The following ITGA1 variants were observed in gnomAD, a reference collection of about 807,000 sequenced individuals.
The protein encoded by ITGA1 is integrin alpha-1.
In ITGA1, 85 loss-of-function variants were observed where a neutral mutation model predicts 145.9. The ratio of observed to expected loss-of-function variants is 0.58; its 90% confidence interval spans 0.49 to 0.70. ITGA1 has a LOEUF of 0.70. ITGA1 is among the 30% of genes least tolerant of loss of function. ITGA1 has a pLI of 0.00. For synonymous variants in ITGA1, 520 were observed against 495.3 expected (o/e 1.05, Z -0.66); for missense variants, 1,351 against 1,418.7 (o/e 0.95, Z 0.77).
rs754189504 is a variant in ITGA1, at chr5:52,933,969, T to G, written c.2937T>G (p.Ile979Met). ...VPEVINSTED[I>M]GNEINIFYLI... The stretch of plus-strand genomic sequence containing the variant: ...AAGTTATTAATTCTACTGAGGACAT[T>G]GGAAATGAAATTAATATCTTCTACT... Residue 979 changes from isoleucine (I) to methionine (M), a missense_variant, in exon 23 of 29, where the codon ATT (isoleucine) becomes ATG (methionine). Physicochemically the swap from Ile to Met is conservative, Grantham distance 10. Transcript: ENST00000282588. 2 of 1,490,826 alleles carry G rather than the reference T, an allele frequency of 1.3e-6. No homozygotes were observed. The highest frequency in any genetic ancestry group is 1.8e-6 in the Non-Finnish European group (2 of 1,103,922). The allele number at this position is 1,490,826 out of a possible 1,614,324, so 92.3% of individuals were successfully genotyped here.
Position 52,925,290 on chromosome 5 carries a change from A to G in ITGA1, c.2416A>G (p.Lys806Glu). 3 of 1,613,822 alleles carry G rather than the reference A, an allele frequency of 1.9e-6. No homozygotes were observed. ...NSVHEYIPFA[K>E]DCGNKEKCIS... is the part of the protein sequence containing the mutation. ...GTCATCATTTCAGATTCCCTTTGCC[A>G]AAGATTGTGGAAATAAGGAAAAATG... The change falls in exon 19 of 29, where the codon AAA becomes GAA. Residue 806 changes from lysine to glutamate, a missense_variant. By Grantham distance (56) the Lys-to-Glu change is moderately conservative. Coordinates refer to ENST00000282588, the MANE Select transcript of ITGA1 (RefSeq NM_181501.2).
At chr5:52,880,236 T>C (rs569285120) in intron 6 of ITGA1, among the ~76,000 whole-genome samples, 1 of 151,220 alleles carries the variant, frequency 6.6e-6, no homozygotes, top group Admixed American at 6.6e-5. Context: ...AGGGATTGGG[T>C]GTTTTCAACT....
chr5:52,828,792 G>A (rs571456435), intron 1 of ITGA1, among the ~76,000 whole-genome samples: 35 of 152,320 alleles, frequency 2.3e-4, no homozygotes, highest in East Asian at 1.5e-3. Flanking sequence ...TGTTGGCAGA[G>A]CCATACTCCT....
intron 2 of ITGA1, among the ~76,000 whole-genome samples, chr5:52,851,235 G>A (rs1749427016): frequency 6.6e-6 from 1 of 152,086 alleles, no homozygotes; most frequent in Non-Finnish European, 1.5e-5. Context: ...ATCCAGTCCT[G>A]TCTCTGTGAT....
chr5:52,824,310 T>TTA, intron 1 of ITGA1: 1 of 151,510 alleles, frequency 6.6e-6, no homozygotes. Flanking sequence ...TTTTTTTTTT[T>TTA]AGACGGAATC....
chr5:52,834,727 G>C (rs1749137921), intron 1 of ITGA1, among the ~76,000 whole-genome samples: 1 of 151,352 alleles, frequency 6.6e-6, no homozygotes, highest in African/African-American at 2.4e-5. Context: ...AGGAGAGAAA[G>C]AGAGAGAGAG....
chr5:52,855,326 T>C (rs1749495848), intron 2 of ITGA1, among the ~76,000 whole-genome samples: 1 of 152,146 alleles, frequency 6.6e-6, no homozygotes, highest in Admixed American at 6.5e-5. Flanking sequence ...TTAAGCTGAA[T>C]ATATATTCTC....
chr5:52,835,250 A>G (rs778005600), intron 1 of ITGA1, among the ~76,000 whole-genome samples: 13 of 152,210 alleles, frequency 8.5e-5, no homozygotes, highest in East Asian at 1.9e-4. Flanking sequence ...GAATGAGAAT[A>G]TAAGTTCTTA....
chr5:52,885,655 A>G (rs866967613), intron 7 of ITGA1, among the ~76,000 whole-genome samples: 153 of 152,378 alleles, frequency 1.0e-3, no homozygotes, highest in African/African-American at 3.5e-3. Flanking sequence ...AGTCAGAACC[A>G]TAAGAAGTTC....
intron 15 of ITGA1, among the ~76,000 whole-genome samples, chr5:52,916,690 G>A (rs1394775348): frequency 6.6e-6 from 1 of 152,134 alleles, no homozygotes; most frequent in African/African-American, 2.4e-5. Flanking sequence ...CACAGTGGCT[G>A]GGACTTTGGG....
intron 4 of ITGA1, 32 bp downstream of exon 4, chr5:52,864,883 A>G: frequency 6.5e-7 from 1 of 1,549,478 alleles, no homozygotes; most frequent in Non-Finnish European, 8.9e-7. Flanking sequence ...TTTATTGACA[A>G]CAGATATGCT....
At chr5:52,929,988 T>C (rs886655143) in intron 21 of ITGA1, among the ~76,000 whole-genome samples, 4 of 152,190 alleles carry the variant, frequency 2.6e-5, no homozygotes, top group Non-Finnish European at 5.9e-5. Flanking sequence ...CCAAATTGCA[T>C]TTAAATTCAT....
At chr5:52,822,020 T>A (rs2454581) in intron 1 of ITGA1, among the ~76,000 whole-genome samples, 49,356 of 152,070 alleles carry the variant, frequency 0.32, 8,761 homozygotes, top group East Asian at 0.47. Context: ...TTCTTGCAAC[T>A]TAAATTGCAT....
chr5:52,911,538 A>T (rs568210799), intron 14 of ITGA1, among the ~76,000 whole-genome samples: 18 of 120,508 alleles, frequency 1.5e-4, no homozygotes, highest in African/African-American at 5.1e-4. Context: ...TATATATTAG[A>T]TACATATACT....
chr5:52,933,044 C>T (rs965297425), intron 22 of ITGA1: 1 of 151,828 alleles, frequency 6.6e-6, no homozygotes, highest in African/African-American at 2.4e-5. Flanking sequence ...TTATAAGGCG[C>T]TTGGAGACGT....
At chr5:52,872,972 C>G (rs1258259526) in intron 6 of ITGA1, among the ~76,000 whole-genome samples, 1 of 152,106 alleles carries the variant, frequency 6.6e-6, no homozygotes, top group Non-Finnish European at 1.5e-5. Context: ...GGGTCTGTCT[C>G]TTCTAGTAGA....
intron 6 of ITGA1, among the ~76,000 whole-genome samples, chr5:52,869,160 C>CTGTT (rs1364170552): frequency 6.6e-6 from 1 of 152,068 alleles, no homozygotes; most frequent in South Asian, 2.1e-4. Context: ...TGATTCTTTT[C>CTGTT]TGTTTGTTTG....
chr5:52,851,817 A>G (rs1749436292), intron 2 of ITGA1, among the ~76,000 whole-genome samples: 1 of 152,198 alleles, frequency 6.6e-6, no homozygotes, highest in Non-Finnish European at 1.5e-5. Context: ...TTATTTAGCC[A>G]TAGCATAAAT....
chr5:52,863,375 G>A (rs1279091133), intron 3 of ITGA1, among the ~76,000 whole-genome samples: 1 of 151,764 alleles, frequency 6.6e-6, no homozygotes, highest in Non-Finnish European at 1.5e-5. Context: ...TTTTGCAGCT[G>A]CTGTCATTGC....
Sources: gnomAD v4.1 joint callset for allele counts (sites outside exome capture counted in the v4.1 genomes callset) on GRCh38, gnomAD v4.1.1 for gene constraint, MANE v1.5 for transcripts, NCBI Gene and HGNC (gene_info 2026-07-23, HGNC 2026-07-21) for gene names.